STARD9: variants seen among roughly 807,000 people sequenced by gnomAD.
The protein encoded by STARD9 is StAR related lipid transfer domain containing 9.
STARD9 carries 346 observed loss-of-function variants against 399.8 expected under a neutral mutation model. That is an observed-to-expected ratio of 0.87 (90% CI 0.79 to 0.95). The LOEUF is 0.95. Among genes scored for constraint, STARD9 ranks in the 40% least tolerant of loss-of-function variants. STARD9 has a pLI of 0.00. For synonymous variants in STARD9, 2,203 were observed against 2,143.5 expected, an observed-to-expected ratio of 1.03 and a Z score of -0.77; for missense variants, 5,832 against 5,667.5, an observed-to-expected ratio of 1.03 and a Z score of -0.93.
At position 42,583,493 on chromosome 15, in the gene STARD9, A is replaced by T. The variant is rs139893584; in HGVS notation, c.117+78A>T. On this transcript the variant is annotated intron_variant, in intron 2 of 32. Transcript: ENST00000290607. ...ACAGGGGCTTCCAGGCTGAAGGTGT[A>T]TATGTGAATGTGTTTAGAGTTGGGG... 50 of 1,057,022 alleles carry T rather than the reference A, an allele frequency of 4.7e-5. No homozygotes were observed. The African/African-American group carries it at 7.7e-4, about 16-fold the overall frequency. The allele number at this position is 1,057,022 out of a possible 1,614,324, so 65.5% of individuals were successfully genotyped here.
intron 26 of STARD9, among the ~76,000 whole-genome samples, chr15:42,703,826 C>G (rs1184143229): frequency 6.6e-6 from 1 of 152,076 alleles, no homozygotes; most frequent in Admixed American, 6.5e-5. Context: ...GTCAAGACAG[C>G]ATTTTAATGC....
rs2060559686 is a variant in STARD9 at position 42,686,458 on chromosome 15, A to G, written c.4880A>G (p.Asn1627Ser). ...SMTEACEVKQ[N>S]NLEECLQSCR... The stretch of plus-strand genomic sequence containing the variant: ...ACAGAAGCATGTGAAGTCAAGCAGA[A>G]CAACTTGGAAGAATGCCTTCAGAGT... Residue 1627 changes from asparagine (N) to serine (S), a missense_variant, in exon 23 of 33, where the codon AAC (asparagine) becomes AGC (serine). Physicochemically the swap from Asn to Ser is conservative, Grantham distance 46 (BLOSUM62 1). Around this residue, in one of 2 missense-constraint regions of STARD9, gnomAD observed 5,828 missense variants for 5,651.1 expected, o/e 1.03. Transcript: ENST00000290607. 3 of 1,537,700 alleles carry G rather than the reference A, an allele frequency of 2.0e-6. No homozygotes were observed. Among genetic ancestry groups the G allele is most frequent in the African/African-American group, 2.7e-5 (2 of 73,052 alleles).
chr15:42,663,975 T>A (rs1466458964), intron 13 of STARD9, 58 bp downstream of exon 13: 1 of 1,202,014 alleles, frequency 8.3e-7, no homozygotes, highest in Non-Finnish European at 1.2e-6. Context: ...TTCCTTATTT[T>A]TTTTTCTCTC....
intron 3 of STARD9, among the ~76,000 whole-genome samples, chr15:42,610,405 C>A (rs193223759): frequency 6.6e-6 from 1 of 152,162 alleles, no homozygotes; most frequent in Non-Finnish European, 1.5e-5. Context: ...ATGGGTTGTT[C>A]TCTCAGTTGG....
chr15:42,677,900 A>C (rs923606294), intron 20 of STARD9, among the ~76,000 whole-genome samples: 2 of 152,136 alleles, frequency 1.3e-5, no homozygotes, highest in African/African-American at 4.8e-5. Context: ...CCCAGAGTAC[A>C]TCATGGTGTT....
intron 26 of STARD9, among the ~76,000 whole-genome samples, chr15:42,702,417 T>C (rs1453570928): frequency 6.6e-6 from 1 of 152,142 alleles, no homozygotes; most frequent in Non-Finnish European, 1.5e-5. Context: ...TTGGCCAGGC[T>C]GGTCTCCAAC....
rs1555393272 is a variant in STARD9, at chr15:42,626,366, T to TTCTTCCTCTTCCTCTTCTTCCTCC, written c.235-8482_235-8481insTTCCTCTTCTTCCTCCTCTTCCTC. Among the ~76,000 whole-genome samples, 356 of 143,956 alleles carry TTCTTCCTCTTCCTCTTCTTCCTCC rather than the reference T, an allele frequency of 2.5e-3. 2 individuals are homozygous for TTCTTCCTCTTCCTCTTCTTCCTCC. The highest frequency in any genetic ancestry group is 6.4e-3 in the African/African-American group (233 of 36,190). The allele number at this position is 143,956 out of a possible 152,430, so 94.4% of individuals were successfully genotyped here. On this transcript the variant is annotated intron_variant, in intron 3 of 32. Coordinates refer to ENST00000290607, the MANE Select transcript of STARD9 (RefSeq NM_020759.3). ...CCTCTTCCTCTTCTTCCTCTTCCTC[T>TTCTTCCTCTTCCTCTTCTTCCTCC]TCTTCCTCCTCTTCCTCCTCTTCCT...
intron 3 of STARD9, among the ~76,000 whole-genome samples, chr15:42,612,995 A>G (rs1395530337): frequency 2.3e-4 from 28 of 120,296 alleles, no homozygotes; most frequent in Non-Finnish European, 2.8e-4. Context: ...GAGGGGAAAA[A>G]AAAAAAAAAA....
Position 42,691,171 on chromosome 15 carries a change from A to C in STARD9, c.9593A>C (p.Lys3198Thr). The C allele has an allele frequency of 6.5e-7, 1 of 1,537,264 alleles. No individual in the cohort carries two copies. The highest frequency in any genetic ancestry group is 8.7e-7 in the Non-Finnish European group (1 of 1,146,902). Residue 3198 changes from lysine to threonine, a missense_variant, in exon 23 of 33, where the codon AAA becomes ACA. By Grantham distance (78) the Lys-to-Thr change is moderately conservative. Coordinates refer to ENST00000290607, the MANE Select transcript of STARD9 (RefSeq NM_020759.3). ...DSQAKFVARL[K>T]HTCSPQEDSP... The stretch of plus-strand genomic sequence containing the variant: ...CAAGCCAAGTTTGTAGCAAGGTTAA[A>C]ACATACCTGCAGCCCCCAGGAAGAC...
chr15:42,616,783 C>T (rs1201727822), intron 3 of STARD9, among the ~76,000 whole-genome samples: 1 of 149,878 alleles, frequency 6.7e-6, no homozygotes, highest in Non-Finnish European at 1.5e-5. Flanking sequence ...CCCAGCTACT[C>T]GGGAGGCTGA....
intron 16 of STARD9, 134 bp from the exon 17 acceptor site, chr15:42,674,306 C>A (rs1039178656): frequency 1.1e-5 from 8 of 731,626 alleles, no homozygotes; most frequent in African/African-American, 1.7e-5. Flanking sequence ...GTGGTACCGA[C>A]CAGGCTGGGA....
chr15:42,693,192 A>G lies in STARD9; in HGVS notation c.11614A>G (p.Ser3872Gly). Residue 3872 changes from serine (S) to glycine (G), a missense_variant, in exon 23 of 33, where the codon AGT becomes GGT. Coordinates refer to ENST00000290607, the MANE Select transcript of STARD9 (RefSeq NM_020759.3). ...CCCTCATTCCCCAGGGCTCTTTCCC[A>G]GTACTTCCGAGTATCCTGGGGACTC... ...SSPHSPGLFP[S>G]TSEYPGDSRV... is the part of the protein sequence containing the mutation. 3 of 1,537,060 alleles carry G rather than the reference A, an allele frequency of 2.0e-6. No individual in the cohort carries two copies. The highest frequency in any genetic ancestry group is 2.6e-6 in the Non-Finnish European group (3 of 1,146,864).
In STARD9 at chr15:42,693,313, G is replaced by A; in HGVS notation, c.11735G>A (p.Gly3912Asp). ...LTLSASTQEP[G>D]LSPGSLTLSA... ...CTTAGTGCCAGCACCCAAGAGCCGG[G>A]TCTTTCCCCAGGCTCTTTGACCCTC... Residue 3912 changes from glycine (G) to aspartate (D), a missense_variant, in exon 23 of 33, where the codon GGT becomes GAT. Physicochemically the swap from Gly to Asp is moderately conservative, Grantham distance 94 (BLOSUM62 -1). Coordinates refer to ENST00000290607, the MANE Select transcript of STARD9 (RefSeq NM_020759.3). 6.5e-7 allele frequency: 1 copy of A among 1,537,074 alleles called. No homozygotes were observed. The highest frequency in any genetic ancestry group is 8.7e-7 in the Non-Finnish European group (1 of 1,146,896).
intron 3 of STARD9, among the ~76,000 whole-genome samples, chr15:42,624,342 T>C (rs141266573): frequency 6.6e-5 from 10 of 151,238 alleles, no homozygotes; most frequent in African/African-American, 2.4e-4. Flanking sequence ...GTCTATAATA[T>C]AACAAAACAA....
In STARD9 at chr15:42,686,021, A is replaced by G. The variant is rs771302843; in HGVS notation, c.4443A>G (p.Glu1481=). The G allele has an allele frequency of 3.3e-6, 5 of 1,537,168 alleles. No homozygotes were observed. The African/African-American group carries it at 6.8e-5, about 21-fold the overall frequency. ...TTLTHVGSTH[E]RDWSALQQKY... is the part of the protein sequence containing the mutation. The stretch of plus-strand genomic sequence containing the variant: ...TGACTCATGTAGGCAGCACCCATGA[A>G]AGGGATTGGTCTGCCCTTCAGCAGA... Residue 1481 remains glutamate (E), a synonymous_variant, in exon 23 of 33, where the codon GAA becomes GAG. Coordinates refer to ENST00000290607, the MANE Select transcript of STARD9 (RefSeq NM_020759.3).
chr15:42,633,550 A>G (rs900222347), intron 3 of STARD9, among the ~76,000 whole-genome samples: 9 of 151,972 alleles, frequency 5.9e-5, no homozygotes, highest in African/African-American at 2.2e-4. Context: ...TGGACAATTT[A>G]TTAACTATTC....
intron 3 of STARD9, among the ~76,000 whole-genome samples, chr15:42,614,444 C>G (rs999870418): frequency 1.3e-5 from 2 of 152,176 alleles, no homozygotes; most frequent in Admixed American, 6.5e-5. Flanking sequence ...AGCTCAAACT[C>G]ATTGTTACTC....
chr15:42,658,390 G>A (rs751834192), intron 9 of STARD9, among the ~76,000 whole-genome samples: 5 of 150,850 alleles, frequency 3.3e-5, no homozygotes, highest in Non-Finnish European at 7.4e-5. Context: ...TGCCCAGGCT[G>A]GTCTTAAATC....
intron 4 of STARD9, among the ~76,000 whole-genome samples, chr15:42,636,458 G>A (rs1441413862): frequency 6.6e-6 from 1 of 152,146 alleles, no homozygotes; most frequent in African/African-American, 2.4e-5. Flanking sequence ...GCGTGCGCCT[G>A]TAATCCCAGC....
Sources: gnomAD v4.1 joint callset for allele counts (sites outside exome capture counted in the v4.1 genomes callset) on GRCh38, gnomAD v4.1.1 for gene constraint, gnomAD v4.1.1 regional missense constraint, MANE v1.5 for transcripts, NCBI Gene and HGNC (gene_info 2026-07-23, HGNC 2026-07-21) for gene names.